Variants in CHRM3 observed in about 807,000 individuals in gnomAD.
The protein encoded by CHRM3 is muscarinic acetylcholine receptor M3.
Under a neutral mutation model 41.8 loss-of-function variants are expected in CHRM3, and 11 were observed. That is an observed-to-expected ratio of 0.26 (90% CI 0.17 to 0.44). CHRM3 has a LOEUF of 0.44. Among genes scored for constraint, CHRM3 ranks in the 20% least tolerant of loss-of-function variants. The pLI is 1.00. For missense variants in CHRM3, 571 were observed against 745.4 expected, an observed-to-expected ratio of 0.77 and a Z score of 2.72; for synonymous variants, 297 against 301.4, an observed-to-expected ratio of 0.99 and a Z score of 0.15.
At chr1:239,608,995 A>G (rs957275333) in intron 3 of CHRM3, among the ~76,000 whole-genome samples, 1 of 152,170 alleles carries the variant, frequency 6.6e-6, no homozygotes, top group Non-Finnish European at 1.5e-5. Flanking sequence ...TTGATATACT[A>G]TATACTGCAC....
chr1:239,880,336 C>T (rs192648647), intron 6 of CHRM3, among the ~76,000 whole-genome samples: 30 of 152,358 alleles, frequency 2.0e-4, no homozygotes, highest in African/African-American at 6.5e-4. Flanking sequence ...TCGCTGGTCT[C>T]AGCTGGCTTG....
At chr1:239,905,444 G>T (rs1293351463) in intron 6 of CHRM3, among the ~76,000 whole-genome samples, 1 of 152,184 alleles carries the variant, frequency 6.6e-6, no homozygotes, top group Non-Finnish European at 1.5e-5. Flanking sequence ...GGTAGCTCAT[G>T]CCTATAATCC....
At chr1:239,882,454 T>C (rs983625786) in intron 6 of CHRM3, among the ~76,000 whole-genome samples, 2 of 152,230 alleles carry the variant, frequency 1.3e-5, no homozygotes, top group African/African-American at 4.8e-5. Flanking sequence ...TTTTAATGTA[T>C]TCTGAATACT....
intron 1 of CHRM3, among the ~76,000 whole-genome samples, chr1:239,400,952 G>A (rs1659919378): frequency 6.6e-6 from 1 of 152,138 alleles, no homozygotes; most frequent in African/African-American, 2.4e-5. Flanking sequence ...TGTCGCAGAA[G>A]CTCAGTGAAT....
chr1:239,588,473 C>A (rs1663669261), intron 3 of CHRM3, among the ~76,000 whole-genome samples: 1 of 152,144 alleles, frequency 6.6e-6, no homozygotes, highest in South Asian at 2.1e-4. Flanking sequence ...TAATCAAGCT[C>A]TTCATAGAAA....
chr1:239,831,668 C>T (rs1344041987), intron 6 of CHRM3, among the ~76,000 whole-genome samples: 1 of 152,086 alleles, frequency 6.6e-6, no homozygotes, highest in East Asian at 1.9e-4. Flanking sequence ...AAATATCTGT[C>T]CTCTGGAAAT....
chr1:239,824,491 T>A (rs1163084914), intron 5 of CHRM3, among the ~76,000 whole-genome samples: 1 of 152,204 alleles, frequency 6.6e-6, no homozygotes, highest in Non-Finnish European at 1.5e-5. Flanking sequence ...AAACCTCTTA[T>A]CTACAGATAA....
At chr1:239,697,393 G>A (rs914321590) in intron 5 of CHRM3, among the ~76,000 whole-genome samples, 24 of 152,294 alleles carry the variant, frequency 1.6e-4, no homozygotes, top group Non-Finnish European at 2.1e-4. Context: ...CCCCAACTAC[G>A]TGGAAGTCCA....
At chr1:239,847,676 G>A (rs1208763339) in intron 6 of CHRM3, among the ~76,000 whole-genome samples, 1 of 151,880 alleles carries the variant, frequency 6.6e-6, no homozygotes, top group Non-Finnish European at 1.5e-5. Flanking sequence ...GCCAGCCTGG[G>A]CAACATAGTG....
At chr1:239,500,010 A>C (rs1668120127) in intron 2 of CHRM3, among the ~76,000 whole-genome samples, 1 of 152,190 alleles carries the variant, frequency 6.6e-6, no homozygotes, top group African/African-American at 2.4e-5. Flanking sequence ...CAAATCCTGG[A>C]AACATATCAA....
intron 2 of CHRM3, among the ~76,000 whole-genome samples, chr1:239,520,657 G>A (rs996313828): frequency 2.0e-5 from 3 of 152,094 alleles, no homozygotes; most frequent in Non-Finnish European, 2.9e-5. Context: ...TTATTGCAAT[G>A]CAGGAACAGC....
At chr1:239,422,307 T>G (rs2103106608) in intron 1 of CHRM3, among the ~76,000 whole-genome samples, 1 of 152,322 alleles carries the variant, frequency 6.6e-6, no homozygotes, top group South Asian at 2.1e-4. Flanking sequence ...GGTCATTAAA[T>G]CCTGAAAGTA....
At chr1:239,518,881 G>A (rs1669444859) in intron 2 of CHRM3, among the ~76,000 whole-genome samples, 1 of 152,126 alleles carries the variant, frequency 6.6e-6, no homozygotes, top group African/African-American at 2.4e-5. Context: ...GTGAACTAAT[G>A]TATTTGCATT....
At chr1:239,859,460 C>G (rs1221248390) in intron 6 of CHRM3, among the ~76,000 whole-genome samples, 1 of 142,126 alleles carries the variant, frequency 7.0e-6, no homozygotes, top group African/African-American at 2.6e-5. Flanking sequence ...GAGTCTCACT[C>G]TGTTGCCCAG....
At chr1:239,597,051 A>G (rs1010874712) in intron 3 of CHRM3, among the ~76,000 whole-genome samples, 4 of 152,202 alleles carry the variant, frequency 2.6e-5, no homozygotes, top group African/African-American at 9.6e-5. Flanking sequence ...CAAAATAAAA[A>G]CTAAAATAAA....
chr1:239,679,303 C>T (rs374922873), intron 5 of CHRM3, among the ~76,000 whole-genome samples: 5 of 152,208 alleles, frequency 3.3e-5, no homozygotes. Flanking sequence ...TCTGCCTCCT[C>T]CCCTGCCCCC....
intron 5 of CHRM3, among the ~76,000 whole-genome samples, chr1:239,765,617 A>G (rs654209): frequency 0.74 from 112,529 of 151,804 alleles, 42,074 homozygotes; most frequent in Non-Finnish European, 0.76. Context: ...ATTTCCTTAC[A>G]CACAAAAAAT....
At chr1:239,433,734 T>C (rs1663013087) in intron 1 of CHRM3, among the ~76,000 whole-genome samples, 1 of 152,036 alleles carries the variant, frequency 6.6e-6, no homozygotes, top group Admixed American at 6.6e-5. Flanking sequence ...CCTGAGTTAC[T>C]TCACTTAGAA....
chr1:239,496,212 A>C (rs956709881), intron 2 of CHRM3, among the ~76,000 whole-genome samples: 1 of 152,118 alleles, frequency 6.6e-6, no homozygotes, highest in Admixed American at 6.6e-5. Context: ...GTATCATCTG[A>C]GTATAGTCTG....
Sources: gnomAD v4.1 joint callset for allele counts (sites outside exome capture counted in the v4.1 genomes callset) on GRCh38, gnomAD v4.1.1 for gene constraint, MANE v1.5 for transcripts, NCBI Gene and HGNC (gene_info 2026-07-23, HGNC 2026-07-21) for gene names.